Variants in ZFAT observed in about 807,000 individuals in gnomAD.
ZFAT encodes zinc finger protein ZFAT.
A neutral mutation model predicts 117.7 loss-of-function variants in ZFAT; 64 were observed. That is an observed-to-expected ratio of 0.54 (90% CI 0.44 to 0.67). ZFAT has a LOEUF of 0.67. Among genes scored for constraint, ZFAT ranks in the 30% least tolerant of loss-of-function variants. The pLI, the probability that ZFAT is intolerant of heterozygous loss-of-function variation, is 0.00. For missense variants in ZFAT, 1,433 were observed against 1,584.5 expected, an observed-to-expected ratio of 0.90 and a Z score of 1.62; for synonymous variants, 679 against 615.0, an observed-to-expected ratio of 1.10 and a Z score of -1.54.
intron 1 of ZFAT, among the ~76,000 whole-genome samples, chr8:134,702,119 C>T (rs751892375): frequency 1.2e-4 from 19 of 152,190 alleles, no homozygotes; most frequent in Non-Finnish European, 2.2e-4. Flanking sequence ...AAGTACCCAC[C>T]CAGCAAGAAG....
At chr8:134,731,682 AT>A in the ZFAT span, among the ~76,000 whole-genome samples, 1 of 152,230 alleles carries the variant, frequency 6.6e-6, no homozygotes, top group Non-Finnish European at 1.5e-5. Flanking sequence ...AAGGTTTTCA[AT>A]TTTTTAAAAA....
chr8:134,505,554 T>G (rs1819338734), intron 15 of ZFAT, among the ~76,000 whole-genome samples: 2 of 152,152 alleles, frequency 1.3e-5, no homozygotes, highest in South Asian at 4.1e-4. Flanking sequence ...GGGTCCAATG[T>G]CATCAGAAGG....
At chr8:134,824,197 T>A in the ZFAT span, among the ~76,000 whole-genome samples, 35 of 152,352 alleles carry the variant, frequency 2.3e-4, no homozygotes, top group African/African-American at 8.2e-4. Context: ...CAGTTCCATG[T>A]GCGAAGGCAT....
chr8:134,769,197 G>A, the ZFAT span, among the ~76,000 whole-genome samples: 1 of 151,972 alleles, frequency 6.6e-6, no homozygotes, highest in African/African-American at 2.4e-5. Context: ...CCCAAAAAAG[G>A]CCACAGTCCA....
the ZFAT span, among the ~76,000 whole-genome samples, chr8:134,798,829 T>C: frequency 6.6e-6 from 1 of 152,168 alleles, no homozygotes; most frequent in African/African-American, 2.4e-5. Flanking sequence ...TTTTCACATC[T>C]AGCATATGAA....
intron 2 of ZFAT, among the ~76,000 whole-genome samples, chr8:134,657,038 G>A (rs1831648974): frequency 6.6e-6 from 1 of 152,186 alleles, no homozygotes; most frequent in South Asian, 2.1e-4. Flanking sequence ...AGGAACAGTT[G>A]GAAAATGCTG....
intron 7 of ZFAT, among the ~76,000 whole-genome samples, chr8:134,591,111 G>A (rs923293417): frequency 1.3e-5 from 2 of 152,182 alleles, no homozygotes; most frequent in African/African-American, 4.8e-5. Context: ...TACAACCCAA[G>A]AGCATATTAC....
the ZFAT span, among the ~76,000 whole-genome samples, chr8:134,721,157 C>T: frequency 9.9e-5 from 15 of 152,170 alleles, no homozygotes; most frequent in African/African-American, 3.4e-4. Flanking sequence ...GGAAAGAAAG[C>T]CCCGTTGTGA....
At chr8:134,673,723 C>G (rs1177444145) in intron 1 of ZFAT, among the ~76,000 whole-genome samples, 1 of 133,416 alleles carries the variant, frequency 7.5e-6, no homozygotes, top group Non-Finnish European at 1.7e-5. Flanking sequence ...TATTTTAGCT[C>G]TACTTACTGA....
the ZFAT span, chr8:134,796,833 C>T: frequency 1.3e-5 from 2 of 152,204 alleles, no homozygotes; most frequent in East Asian, 3.9e-4. Context: ...ATTAACTTTG[C>T]TTAATGTTTT....
At chr8:134,686,626 G>A (rs577893144) in intron 1 of ZFAT, among the ~76,000 whole-genome samples, 5 of 152,236 alleles carry the variant, frequency 3.3e-5, no homozygotes, top group South Asian at 4.1e-4. Flanking sequence ...TTTGGCCCTC[G>A]TAGCTGTGTG....
At chr8:134,686,670 TCA>T (rs565459785) in intron 1 of ZFAT, among the ~76,000 whole-genome samples, 96 of 152,268 alleles carry the variant, frequency 6.3e-4, no homozygotes, top group East Asian at 3.3e-3. Flanking sequence ...TCTCTGAGCT[TCA>T]GTTTCCTTCT....
At chr8:134,830,700 A>G in the ZFAT span, among the ~76,000 whole-genome samples, 34,453 of 152,172 alleles carry the variant, frequency 0.23, 4,135 homozygotes, top group African/African-American at 0.28. Flanking sequence ...TGAGATTTAA[A>G]TTTTAAAACA....
At chr8:134,728,544 C>T in the ZFAT span, among the ~76,000 whole-genome samples, 152 of 152,274 alleles carry the variant, frequency 1.0e-3, no homozygotes, top group African/African-American at 3.6e-3. Context: ...TCCAGGGCAC[C>T]ACTCTGGAGG....
chr8:134,773,983 A>T, the ZFAT span, among the ~76,000 whole-genome samples: 83 of 81,270 alleles, frequency 1.0e-3, no homozygotes, highest in African/African-American at 4.4e-3. Context: ...CTTGAGGATT[A>T]ATTTTTTTTT....
chr8:134,759,567 A>C, the ZFAT span, among the ~76,000 whole-genome samples: 1 of 152,012 alleles, frequency 6.6e-6, no homozygotes, highest in African/African-American at 2.4e-5. Context: ...GTGGTTTAGT[A>C]TATGACCATA....
At chr8:134,516,540 A>G (rs1215667090) in intron 13 of ZFAT, among the ~76,000 whole-genome samples, 1 of 152,144 alleles carries the variant, frequency 6.6e-6, no homozygotes, top group Admixed American at 6.5e-5. Flanking sequence ...TTTTGTTTTT[A>G]AAGGTAGAAT....
At chr8:134,749,124 A>G in the ZFAT span, among the ~76,000 whole-genome samples, 7 of 152,164 alleles carry the variant, frequency 4.6e-5, no homozygotes, top group African/African-American at 2.4e-5. Context: ...CATCTTTTGA[A>G]GAATGGAAAT....
chr8:134,533,801 C>T (rs1010750327), intron 11 of ZFAT, among the ~76,000 whole-genome samples: 4 of 152,216 alleles, frequency 2.6e-5, no homozygotes, highest in African/African-American at 9.7e-5. Context: ...GAAAGAAGCA[C>T]CTGCTGGGCC....
Sources: allele counts gnomAD v4.1 joint callset (sites outside exome capture counted in the v4.1 genomes callset), GRCh38; gene constraint gnomAD v4.1.1; transcripts MANE v1.5; gene names NCBI Gene and HGNC (gene_info 2026-07-23, HGNC 2026-07-21).